The following DGKG variants were observed in gnomAD, a reference collection of about 807,000 sequenced individuals.
DGKG encodes diacylglycerol kinase gamma.
In DGKG, 78 loss-of-function variants were observed where a neutral mutation model predicts 105.3. The observed-to-expected ratio is 0.74, with a 90% CI of 0.62 to 0.89. The LOEUF is 0.89. Among genes scored for constraint, DGKG ranks in the 40% least tolerant of loss-of-function variants. The pLI is 0.00. For synonymous variants in DGKG, 346 were observed against 367.1 expected (o/e 0.94, Z 0.66); for missense variants, 958 against 1,020.1 (o/e 0.94, Z 0.83).
intron 2 of DGKG, among the ~76,000 whole-genome samples, chr3:186,312,053 T>C (rs984206703): frequency 2.0e-4 from 24 of 121,244 alleles, no homozygotes; most frequent in Non-Finnish European, 3.1e-4. Flanking sequence ...GAAGCGGAGC[T>C]TGCAGTGAGC....
In DGKG at chr3:186,265,250, C is replaced by T; in HGVS notation, c.1266G>A (p.Met422Ile). 1 of 1,614,234 alleles carries T rather than the reference C, an allele frequency of 6.2e-7. No homozygotes were observed. Among genetic ancestry groups the T allele is most frequent in the East Asian group, 2.2e-5 (1 of 44,890 alleles). ...GGATTTAGAGCTCATGAGGTACCTG[C>T]ATGACAAGTTCGCCCTTGGCGGACA... is the stretch of plus-strand genomic sequence containing the variant. ...GCVSAKGELV[M>I]QYKIIPTPGT... is the part of the protein sequence containing the mutation. Residue 422 changes from methionine to isoleucine, a missense_variant, in exon 14 of 25, where the codon ATG becomes ATA. By Grantham distance (10) the Met-to-Ile change is conservative. Coordinates refer to ENST00000265022, the MANE Select transcript of DGKG (RefSeq NM_001346.3).
intron 22 of DGKG, among the ~76,000 whole-genome samples, chr3:186,185,955 G>A (rs912286192): frequency 1.1e-4 from 16 of 151,868 alleles, no homozygotes; most frequent in African/African-American, 3.4e-4. Context: ...AAAAGTAGCC[G>A]GGCGTGATGG....
At chr3:186,299,058 A>G (rs868062466) in intron 3 of DGKG, among the ~76,000 whole-genome samples, 2 of 152,236 alleles carry the variant, frequency 1.3e-5, no homozygotes, top group Non-Finnish European at 2.9e-5. Context: ...CAGCTATGCC[A>G]GAAAGGGCTG....
rs1578610483 is a variant in DGKG, at chr3:186,165,332, A to AT, written c.2096-315dup. Among the ~76,000 whole-genome samples, 4 of 152,318 alleles carry AT rather than the reference A, an allele frequency of 2.6e-5. No individual in the cohort carries two copies. In the East Asian group the frequency reaches 7.7e-4, roughly 29 times the overall value. ...AATGATGAACCAGCTATTTCTGATT[A>AT]TTTTCAACCCCTATGCAGCTAAAGA... is the stretch of plus-strand genomic sequence containing the variant. On this transcript the variant is annotated intron_variant, in intron 22 of 24. Coordinates refer to ENST00000265022, the MANE Select transcript of DGKG (RefSeq NM_001346.3).
chr3:186,153,160 T>A (rs1408612919), intron 24 of DGKG, among the ~76,000 whole-genome samples: 2 of 152,044 alleles, frequency 1.3e-5, no homozygotes, highest in African/African-American at 2.4e-5. Context: ...CTGGGTAACA[T>A]AATATTTTGG....
chr3:186,302,926 A>G (rs1378293113), intron 3 of DGKG, among the ~76,000 whole-genome samples: 1 of 152,202 alleles, frequency 6.6e-6, no homozygotes, highest in Non-Finnish European at 1.5e-5. Flanking sequence ...CAGAACATGC[A>G]AACCAGAAGA....
chr3:186,157,758 C>G (rs567398320), intron 24 of DGKG, among the ~76,000 whole-genome samples: 21 of 152,174 alleles, frequency 1.4e-4, no homozygotes, highest in Admixed American at 1.1e-3. Context: ...GGCTGGAGTG[C>G]AGTAGTGTGA....
intron 2 of DGKG, among the ~76,000 whole-genome samples, chr3:186,319,093 T>A (rs1724956689): frequency 6.6e-6 from 1 of 152,194 alleles, no homozygotes; most frequent in Non-Finnish European, 1.5e-5. Context: ...TGAATTAAAT[T>A]GAATTTACCC....
At chr3:186,350,827 T>C (rs564794983) in intron 1 of DGKG, among the ~76,000 whole-genome samples, 65 of 152,334 alleles carry the variant, frequency 4.3e-4, no homozygotes, top group Non-Finnish European at 7.6e-4. Context: ...ATTGTGTTTT[T>C]GACTTACAGT....
In DGKG at chr3:186,149,306, C is replaced by T; in HGVS notation, c.*784G>A. ...TGAAAAATAAATCCCAGTTTCTCCG[C>T]TCTCCCTCCCAGGTGTTCACAGAAC... On this transcript the variant is annotated 3_prime_UTR_variant, in exon 25 of 25. Transcript: ENST00000265022. 1.0e-6 allele frequency: 1 copy of T among 985,298 alleles called. No individual in the cohort carries two copies. The highest frequency in any genetic ancestry group is 1.2e-6 in the Non-Finnish European group (1 of 829,912). 61.0% of individuals were successfully genotyped at this position (985,298 alleles called of 1,614,324 possible).
chr3:186,333,448 T>C (rs1473870755), intron 1 of DGKG, among the ~76,000 whole-genome samples: 2 of 152,184 alleles, frequency 1.3e-5, no homozygotes, highest in South Asian at 2.1e-4. Context: ...TAAAACATTA[T>C]AGGGAAGCTG....
intron 1 of DGKG, among the ~76,000 whole-genome samples, chr3:186,334,529 C>T (rs1725740562): frequency 6.6e-6 from 1 of 152,220 alleles, no homozygotes; most frequent in African/African-American, 2.4e-5. Flanking sequence ...CACCTCATGC[C>T]TAGCCCAGAC....
chr3:186,158,446 C>T, intron 24 of DGKG: 1 of 975,636 alleles, frequency 1.0e-6, no homozygotes, highest in Non-Finnish European at 1.2e-6. Flanking sequence ...TTTTAAGTCT[C>T]CAAGTGACTA....
intron 24 of DGKG, chr3:186,160,764 C>T: frequency 1.0e-6 from 1 of 985,378 alleles, no homozygotes; most frequent in South Asian, 4.7e-5. Context: ...CAGCAGAGGC[C>T]CTGAAAACCA....
intron 21 of DGKG, among the ~76,000 whole-genome samples, chr3:186,190,079 A>G (rs1717832292): frequency 6.6e-6 from 1 of 152,180 alleles, no homozygotes; most frequent in South Asian, 2.1e-4. Context: ...CTCTTTTTAC[A>G]CTGGGGAAAC....
At chr3:186,316,713 C>A (rs1724835424) in intron 2 of DGKG, among the ~76,000 whole-genome samples, 1 of 152,174 alleles carries the variant, frequency 6.6e-6, no homozygotes, top group Admixed American at 6.5e-5. Flanking sequence ...AGAGAAGGTG[C>A]CAACTTTACA....
intron 1 of DGKG, among the ~76,000 whole-genome samples, chr3:186,340,164 G>A (rs1726022822): frequency 1.3e-5 from 2 of 152,186 alleles, no homozygotes; most frequent in Non-Finnish European, 2.9e-5. Context: ...AAAAATCTTC[G>A]AGGAAGAGGA....
chr3:186,339,180 T>G (rs1392959761), intron 1 of DGKG, among the ~76,000 whole-genome samples: 1 of 152,210 alleles, frequency 6.6e-6, no homozygotes, highest in African/African-American at 2.4e-5. Flanking sequence ...TTTATCAAGC[T>G]TTTAGTATGT....
At chr3:186,218,388 C>A (rs1184038211) in intron 20 of DGKG, among the ~76,000 whole-genome samples, 1 of 150,378 alleles carries the variant, frequency 6.6e-6, no homozygotes, top group African/African-American at 2.4e-5. Context: ...ACTGTAATCC[C>A]AGCTACTCGG....
Sources: allele counts gnomAD v4.1 joint callset (sites outside exome capture counted in the v4.1 genomes callset), GRCh38; gene constraint gnomAD v4.1.1; transcripts MANE v1.5; gene names NCBI Gene and HGNC (gene_info 2026-07-23, HGNC 2026-07-21).